GPRC5B: variants seen among roughly 807,000 people sequenced by gnomAD.
The protein encoded by GPRC5B is G protein-coupled receptor class C group 5 member B, also known as G protein-coupled receptor family C group 5 member B.
In GPRC5B, 16 loss-of-function variants were observed where a neutral mutation model predicts 30.1. That is an observed-to-expected ratio of 0.53 (90% CI 0.36 to 0.81). The LOEUF is 0.81. Among genes scored for constraint, GPRC5B ranks in the 30% least tolerant of loss-of-function variants. The pLI, the probability that GPRC5B is intolerant of heterozygous loss-of-function variation, is 0.01. For synonymous variants in GPRC5B, 241 were observed against 239.5 expected (o/e 1.01, Z -0.06); for missense variants, 428 against 544.7 (o/e 0.79, Z 2.13).
In GPRC5B at chr16:19,856,920, A is replaced by G. The variant is rs1426444154; in HGVS notation, c.*3580T>C. On this transcript the variant is annotated 3_prime_UTR_variant, in exon 4 of 4. Coordinates refer to ENST00000300571, the MANE Select transcript of GPRC5B (RefSeq NM_016235.3). The stretch of plus-strand genomic sequence containing the variant: ...CTTGTGGCCGCCTTTGCAAAGATCC[A>G]TATTCTAATTTAAGTCCCCAACCTC... 5.4e-6 allele frequency: 1 copy of G among 184,550 alleles called. No individual in the cohort carries two copies. Among genetic ancestry groups the G allele is most frequent in the African/African-American group, 2.4e-5 (1 of 42,136 alleles). The allele number at this position is 184,550 out of a possible 1,614,324, so 11.4% of individuals were successfully genotyped here.
At chr16:19,879,983 A>C (rs2056791834) in intron 1 of GPRC5B, among the ~76,000 whole-genome samples, 1 of 150,064 alleles carries the variant, frequency 6.7e-6, no homozygotes, top group Non-Finnish European at 1.5e-5. Flanking sequence ...AAAATACAAA[A>C]ATTAGCCAGG....
chr16:19,873,321 G>A (rs768738801), intron 1 of GPRC5B, among the ~76,000 whole-genome samples: 6 of 151,956 alleles, frequency 3.9e-5, no homozygotes, highest in East Asian at 1.9e-4. Context: ...AAAATTAGCT[G>A]GGCATGGTGG....
At chr16:19,867,857 C>T (rs1179955545) in intron 2 of GPRC5B, among the ~76,000 whole-genome samples, 1 of 152,136 alleles carries the variant, frequency 6.6e-6, no homozygotes, top group Non-Finnish European at 1.5e-5. Context: ...TGAGACCAGC[C>T]TGGCCAACAT....
intron 2 of GPRC5B, among the ~76,000 whole-genome samples, chr16:19,864,089 A>G (rs2056648499): frequency 6.6e-6 from 1 of 152,134 alleles, no homozygotes; most frequent in Admixed American, 6.6e-5. Flanking sequence ...CCAGAGACAA[A>G]GGCAAGCCAG....
At chr16:19,884,864 T>C (rs1172363740), upstream of GPRC5B, 1 of 981,754 alleles carries the variant, frequency 1.0e-6, no homozygotes, top group Non-Finnish European at 1.2e-6. Flanking sequence ...CCAGAGTCGC[T>C]GCCGCGCGAG....
At position 19,857,963 on chromosome 16, in the gene GPRC5B, C is replaced by T. The variant is rs938170495; in HGVS notation, c.*2537G>A. On this transcript the variant is annotated 3_prime_UTR_variant, in exon 4 of 4. Coordinates refer to ENST00000300571, the MANE Select transcript of GPRC5B (RefSeq NM_016235.3). ...AAGAGTGGCTGTTATAGACCCAAAGCGATTTTAATAACCAGACACGGAACA... is the reference window on the plus strand; with the variant it reads ...AAGAGTGGCTGTTATAGACCCAAAGTGATTTTAATAACCAGACACGGAACA... The T allele has an allele frequency of 6.6e-6, 1 of 152,544 alleles. No homozygotes were observed. The highest frequency in any genetic ancestry group is 1.5e-5 in the Non-Finnish European group (1 of 68,308). The allele number at this position is 152,544 out of a possible 1,614,324, so 9.4% of individuals were successfully genotyped here.
chr16:19,869,126 C>A (rs774949803), intron 2 of GPRC5B, among the ~76,000 whole-genome samples: 6 of 151,860 alleles, frequency 4.0e-5, no homozygotes, highest in Non-Finnish European at 7.4e-5. Context: ...GTCAGGAGTT[C>A]GAGACCAGCC....
In GPRC5B at chr16:19,856,802, TC is replaced by T; in HGVS notation, c.*3697del. The stretch of plus-strand genomic sequence containing the variant: ...TCATCCAGATTACTTCTTCAGTGCC[TC>T]AGGAGTATTCTTCTACACCAGCTGC... On this transcript the variant is annotated 3_prime_UTR_variant, in exon 4 of 4. Transcript: ENST00000300571. The T allele has an allele frequency of 2.2e-6, 1 of 452,680 alleles. No homozygotes were observed. The highest frequency in any genetic ancestry group is 3.9e-6 in the Non-Finnish European group (1 of 253,942). 28.0% of individuals were successfully genotyped at this position (452,680 alleles called of 1,614,324 possible). A position where few individuals can be genotyped will look rare whatever the true frequency, so the allele number is the denominator to read the frequency against.
chr16:19,871,105 G>A (rs1159899457), intron 2 of GPRC5B, among the ~76,000 whole-genome samples: 4 of 151,460 alleles, frequency 2.6e-5, no homozygotes, highest in Admixed American at 6.6e-5. Flanking sequence ...GCCACATAAT[G>A]AGACCCTGTC....
Position 19,884,755 on chromosome 16 carries a change from C to A in GPRC5B, c.-30G>T. The A allele has an allele frequency of 1.0e-6, 1 of 984,992 alleles. No homozygotes were observed. The highest frequency in any genetic ancestry group is 1.2e-6 in the Non-Finnish European group (1 of 829,740). 61.0% of individuals were successfully genotyped at this position (984,992 alleles called of 1,614,324 possible). On this transcript the variant is annotated 5_prime_UTR_variant, in exon 1 of 4. Transcript: ENST00000300571. ...CCCCCGCGGCCCCGCAGCGCCGACG[C>A]TCCAGCTGGCCTTCGGCCCGAGTCA...
At position 19,872,455 on chromosome 16, in the gene GPRC5B, C is replaced by T. The variant is rs368564935; in HGVS notation, c.391G>A (p.Val131Ile). The T allele has an allele frequency of 1.2e-4, 198 of 1,614,000 alleles. No homozygotes were observed. The South Asian group carries it at 1.3e-3, about 11-fold the overall frequency. Residue 131 changes from valine (V) to isoleucine (I), a missense_variant, in exon 2 of 4, where the codon GTC becomes ATC. By Grantham distance (29) the Val-to-Ile change is conservative. Transcript: ENST00000300571. This position sits in a 1 kb window ranked among gnomAD's most constrained non-coding sequence, Gnocchi z 5.0. ...ICSVRRFLWG[V>I]LFALCFSCLL... ...CAGGAGAAGCAGAGCGCAAAGAGGACGCCCCAGAGGAAGCGGCGGACAGAG... is the reference window on the plus strand; with the variant it reads ...CAGGAGAAGCAGAGCGCAAAGAGGATGCCCCAGAGGAAGCGGCGGACAGAG...
At position 19,872,671 on chromosome 16, in the gene GPRC5B, C is replaced by T; in HGVS notation, c.175G>A (p.Val59Met). 5.0e-6 allele frequency: 8 copies of T among 1,614,152 alleles called. No individual in the cohort carries two copies. Among genetic ancestry groups the T allele is most frequent in the Non-Finnish European group, 6.8e-6 (8 of 1,180,022 alleles). Reference protein sequence around the residue: ...CDLDAIWGIVVEAVAGAGALI... With the variant: ...CDLDAIWGIVMEAVAGAGALI... ...GCGCCCGCCCCGGCCACCGCCTCCA[C>T]CACAATGCCCCAGATGGCGTCCAGG... Residue 59 changes from valine to methionine, a missense_variant, in exon 2 of 4, where the codon GTG becomes ATG. Transcript: ENST00000300571. This position sits in a 1 kb window ranked among gnomAD's most constrained non-coding sequence, Gnocchi z 5.0.
chr16:19,874,120 C>T (rs1454596815), intron 1 of GPRC5B, among the ~76,000 whole-genome samples: 1 of 152,158 alleles, frequency 6.6e-6, no homozygotes, highest in Non-Finnish European at 1.5e-5. Flanking sequence ...CTGCGTCTCT[C>T]CCTCACCTCC....
chr16:19,872,021 C>A lies in GPRC5B; in HGVS notation c.825G>T (p.Thr275=). 6.2e-7 allele frequency: 1 copy of A among 1,614,032 alleles called. No homozygotes were observed. Among genetic ancestry groups the A allele is most frequent in the Non-Finnish European group, 8.5e-7 (1 of 1,179,984 alleles). Residue 275 remains threonine, a synonymous_variant, in exon 2 of 4, where the codon ACG becomes ACT. Transcript: ENST00000300571. This position sits in a 1 kb window ranked among gnomAD's most constrained non-coding sequence, Gnocchi z 5.0. ...DAWNDPTLAI[T]LAASGWVFVI... ...CGAAGACCCAGCCGCTGGCCGCCAG[C>A]GTGATGGCCAAGGTGGGGTCGTTCC...
chr16:19,875,489 T>A (rs1161268549), intron 1 of GPRC5B, among the ~76,000 whole-genome samples: 3 of 152,222 alleles, frequency 2.0e-5, no homozygotes, highest in Non-Finnish European at 2.9e-5. Context: ...TTTAAATTGC[T>A]CATTGAGACT....
chr16:19,877,008 C>T (rs776018700), intron 1 of GPRC5B, among the ~76,000 whole-genome samples: 5 of 152,204 alleles, frequency 3.3e-5, no homozygotes, highest in Admixed American at 6.5e-5. Context: ...AGAATCCGCT[C>T]TAGGATTGTT....
rs1325542569 is a variant in GPRC5B, at chr16:19,861,947, C to T, written c.1057G>A (p.Gly353Ser). Residue 353 changes from glycine to serine, a missense_variant, in exon 3 of 4, where the codon GGC (glycine) becomes AGC (serine). Around this residue, in one of 3 missense-constraint regions of GPRC5B, gnomAD observed 213 missense variants for 229.1 expected, o/e 0.93. Coordinates refer to ENST00000300571, the MANE Select transcript of GPRC5B (RefSeq NM_016235.3). ...CCACTGGGTCTTTTTCCCAAGCTGC[C>T]GTTGGGAAATCCTGCTGTTCGGAGA... is the stretch of plus-strand genomic sequence containing the variant. ...AALRTAGFPN[G>S]SLGKRPSGSL... The T allele has an allele frequency of 1.9e-6, 3 of 1,613,670 alleles. No individual in the cohort carries two copies. Among genetic ancestry groups the T allele is most frequent in the Non-Finnish European group, 2.5e-6 (3 of 1,179,678 alleles).
Position 19,858,405 on chromosome 16 carries a change from A to G in GPRC5B, c.*2095T>C. On this transcript the variant is annotated 3_prime_UTR_variant, in exon 4 of 4. Coordinates refer to ENST00000300571, the MANE Select transcript of GPRC5B (RefSeq NM_016235.3). ...TTATGCTGGGGAAGCACGACTTTCCATGGCAGCCATTTGTGCTGTGCTCAC... is the reference window on the plus strand; with the variant it reads ...TTATGCTGGGGAAGCACGACTTTCCGTGGCAGCCATTTGTGCTGTGCTCAC... The G allele has an allele frequency of 2.0e-6, 1 of 498,924 alleles. No individual in the cohort carries two copies. Among genetic ancestry groups the G allele is most frequent in the Non-Finnish European group, 3.6e-6 (1 of 276,568 alleles). The allele number at this position is 498,924 out of a possible 1,614,324, so 30.9% of individuals were successfully genotyped here.
At chr16:19,875,557 C>G (rs2056754083) in intron 1 of GPRC5B, among the ~76,000 whole-genome samples, 1 of 152,146 alleles carries the variant, frequency 6.6e-6, no homozygotes, top group East Asian at 1.9e-4. Context: ...GCAAGAGGAT[C>G]ACTTGAGGAC....
Sources: allele counts gnomAD v4.1 joint callset (sites outside exome capture counted in the v4.1 genomes callset), GRCh38; gene constraint gnomAD v4.1.1; regional missense constraint gnomAD v4.1.1; non-coding constraint Gnocchi (gnomAD v3.1); transcripts MANE v1.5; gene names NCBI Gene and HGNC (gene_info 2026-07-23, HGNC 2026-07-21).